Variants in RBFOX1 observed in about 807,000 individuals in gnomAD.
RBFOX1 encodes the protein RNA binding protein fox-1 homolog 1.
A neutral mutation model predicts 57.7 loss-of-function variants in RBFOX1; 8 were observed. The ratio of observed to expected loss-of-function variants is 0.14; its 90% confidence interval spans 0.08 to 0.25. RBFOX1 has a LOEUF of 0.25. Ranked by LOEUF, RBFOX1 falls within the 10% of genes least tolerant of loss-of-function variation. RBFOX1 has a pLI of 1.00. For missense variants in RBFOX1, 611 were observed against 548.5 expected, an observed-to-expected ratio of 1.11 and a Z score of -1.14; for synonymous variants, 326 against 222.4, an observed-to-expected ratio of 1.47 and a Z score of -4.15.
chr16:6,810,296 A>T (rs1003461046), intron 3 of RBFOX1, among the ~76,000 whole-genome samples: 1 of 152,092 alleles, frequency 6.6e-6, no homozygotes, highest in Non-Finnish European at 1.5e-5. Flanking sequence ...CACTGAAATT[A>T]TTCTGAAAGG....
intron 5 of RBFOX1, among the ~76,000 whole-genome samples, chr16:7,564,150 A>G (rs1271307476): frequency 6.6e-6 from 1 of 152,114 alleles, no homozygotes; most frequent in African/African-American, 2.4e-5. Flanking sequence ...AATTAGGTTA[A>G]TTTAAGGCCA....
At chr16:5,976,758 A>C (rs568530087) in intron 4 of RBFOX1, among the ~76,000 whole-genome samples, 83 of 151,520 alleles carry the variant, frequency 5.5e-4, no homozygotes, top group African/African-American at 1.9e-3. Flanking sequence ...AATCCCAGCT[A>C]CTTGGGGGGC....
intron 3 of RBFOX1, among the ~76,000 whole-genome samples, chr16:6,851,785 G>T (rs2141996000): frequency 6.6e-6 from 1 of 152,270 alleles, no homozygotes; most frequent in East Asian, 1.9e-4. Context: ...GTGGCACCCG[G>T]ACCCTTAACT....
chr16:7,292,274 T>C (rs1472678038), intron 4 of RBFOX1, among the ~76,000 whole-genome samples: 1 of 123,564 alleles, frequency 8.1e-6, no homozygotes, highest in East Asian at 2.1e-4. Flanking sequence ...TAGAACGTAT[T>C]ATATATCATA....
At chr16:7,068,679 C>T (rs1377525929) in intron 4 of RBFOX1, among the ~76,000 whole-genome samples, 1 of 152,182 alleles carries the variant, frequency 6.6e-6, no homozygotes, top group Non-Finnish European at 1.5e-5. Flanking sequence ...CTCTGCCCCT[C>T]CGGGTTCAGG....
intron 4 of RBFOX1, among the ~76,000 whole-genome samples, chr16:5,934,684 T>G (rs2059132767): frequency 6.6e-6 from 1 of 152,222 alleles, no homozygotes; most frequent in South Asian, 2.1e-4. Context: ...CACGTTATAT[T>G]TATGGAAATA....
At chr16:7,228,634 C>G (rs965070283) in intron 4 of RBFOX1, among the ~76,000 whole-genome samples, 9 of 152,188 alleles carry the variant, frequency 5.9e-5, no homozygotes, top group Non-Finnish European at 1.3e-4. Context: ...TAGAAGGATT[C>G]TCAGAATCTT....
intron 3 of RBFOX1, among the ~76,000 whole-genome samples, chr16:6,658,894 C>G (rs1047051412): frequency 6.7e-6 from 1 of 149,876 alleles, no homozygotes; most frequent in African/African-American, 2.4e-5. Context: ...TAATAGGAAG[C>G]AGGAGCACAG....
At chr16:5,811,514 A>G (rs541947883) in intron 3 of RBFOX1, among the ~76,000 whole-genome samples, 3 of 150,798 alleles carry the variant, frequency 2.0e-5, no homozygotes, top group African/African-American at 7.3e-5. Flanking sequence ...GCAGTGGCAC[A>G]ATCTCAGCTC....
chr16:7,031,400 A>T (rs1032042100), intron 3 of RBFOX1, among the ~76,000 whole-genome samples: 5 of 152,134 alleles, frequency 3.3e-5, no homozygotes. Context: ...TTTCAAGACC[A>T]GCCTGGCTAA....
chr16:6,727,991 C>T (rs1478622202), intron 3 of RBFOX1, among the ~76,000 whole-genome samples: 3 of 152,186 alleles, frequency 2.0e-5, no homozygotes, highest in Non-Finnish European at 4.4e-5. Context: ...AATTCCCTAT[C>T]TGTAAATTGA....
chr16:6,150,416 G>A (rs1173652502), intron 1 of RBFOX1, among the ~76,000 whole-genome samples: 4 of 152,040 alleles, frequency 2.6e-5, no homozygotes, highest in African/African-American at 9.7e-5. Flanking sequence ...CAGTGCCCAG[G>A]TGAGAAGTGG....
intron 5 of RBFOX1, among the ~76,000 whole-genome samples, chr16:7,566,080 C>T (rs1463391669): frequency 1.3e-5 from 2 of 152,158 alleles, no homozygotes; most frequent in Non-Finnish European, 2.9e-5. Flanking sequence ...ACGGGACGCT[C>T]ATATTCTAGG....
rs76391615 is a variant in RBFOX1, at chr16:5,914,175, G to A, written c.351+46840G>A. On this transcript the variant is annotated intron_variant, in intron 4 of 19. Coordinates refer to the RBFOX1 transcript ENST00000641259. Reference sequence around the variant, plus strand: ...CCCCAAAATAATCCAGGAAAAAGACGGAAAACTGTCTTCATTTTGAGTTAA... The same window carrying A: ...CCCCAAAATAATCCAGGAAAAAGACAGAAAACTGTCTTCATTTTGAGTTAA... Among the ~76,000 whole-genome samples, 100 of 152,312 alleles carry A rather than the reference G, an allele frequency of 6.6e-4. 2 individuals are homozygous for A. The East Asian group carries it at 0.018, about 27-fold the overall frequency.
At chr16:7,602,292 G>A (rs1345291891) in intron 9 of RBFOX1, among the ~76,000 whole-genome samples, 2 of 152,112 alleles carry the variant, frequency 1.3e-5, no homozygotes, top group African/African-American at 4.8e-5. Context: ...CTTGAGTCCT[G>A]GCCACGGAGG....
intron 4 of RBFOX1, among the ~76,000 whole-genome samples, chr16:6,000,405 G>A (rs1367537818): frequency 6.6e-6 from 1 of 152,160 alleles, no homozygotes. Context: ...CACTGTGGGG[G>A]CGTTTCCTTT....
chr16:7,459,275 A>G (rs1037063980), intron 4 of RBFOX1, among the ~76,000 whole-genome samples: 5 of 152,178 alleles, frequency 3.3e-5, no homozygotes, highest in African/African-American at 9.7e-5. Context: ...GATACCAACA[A>G]TTATTATGTT....
At chr16:5,654,514 A>G (rs1043105617) in intron 3 of RBFOX1, among the ~76,000 whole-genome samples, 1 of 151,972 alleles carries the variant, frequency 6.6e-6, no homozygotes, top group Non-Finnish European at 1.5e-5. Context: ...TTCTTCTCTC[A>G]TTCAGAATCG....
intron 4 of RBFOX1, among the ~76,000 whole-genome samples, chr16:7,086,721 T>TACACACACAC (rs71280731): frequency 6.7e-6 from 1 of 149,476 alleles, no homozygotes; most frequent in Admixed American, 6.7e-5. Context: ...GAAGAATGTA[T>TACACACACAC]ACACACACAC....
Sources: allele counts gnomAD v4.1 joint callset (sites outside exome capture counted in the v4.1 genomes callset), GRCh38; gene constraint gnomAD v4.1.1; transcripts MANE v1.5; gene names NCBI Gene and HGNC (gene_info 2026-07-23, HGNC 2026-07-21).